The following GREB1 variants were observed in gnomAD, a reference collection of about 807,000 sequenced individuals.
GREB1 encodes the protein growth regulating estrogen receptor binding 1.
GREB1 carries 106 observed loss-of-function variants against 200.7 expected under a neutral mutation model. The observed-to-expected ratio is 0.53, with a 90% CI of 0.45 to 0.62. GREB1 has a LOEUF of 0.62. GREB1 is among the 20% of genes least tolerant of loss of function. The pLI, the probability that GREB1 is intolerant of heterozygous loss-of-function variation, is 0.00. For synonymous variants in GREB1, 1,132 were observed against 1,092.4 expected (o/e 1.04, Z -0.72); for missense variants, 2,243 against 2,556.8 (o/e 0.88, Z 2.65).
chr2:11,556,478 CTTT>C lies in GREB1; in HGVS notation c.-136_-134del, dbSNP rs1676445419. The C allele has an allele frequency of 3.1e-6, 2 of 639,614 alleles. No individual in the cohort carries two copies. The highest frequency in any genetic ancestry group is 5.8e-5 in the Admixed American group (2 of 34,628). 39.6% of individuals were successfully genotyped at this position (639,614 alleles called of 1,614,324 possible). ...GTAGCTGCAGCTGAGGACAGCCACCCTTTCTTCGTCTCTGCTGAGCGAAGGCTA... is the reference window on the plus strand; with the variant it reads ...GTAGCTGCAGCTGAGGACAGCCACCCCTTCGTCTCTGCTGAGCGAAGGCTA... On this transcript the variant is annotated 5_prime_UTR_variant, in exon 2 of 33. Coordinates refer to ENST00000381486, the MANE Select transcript of GREB1 (RefSeq NM_014668.4).
intron 10 of GREB1, chr2:11,591,448 A>G: frequency 2.8e-6 from 2 of 721,086 alleles, no homozygotes; most frequent in Non-Finnish European, 5.2e-6. Flanking sequence ...TAAAAGAGAA[A>G]ATACCAGAAG....
At position 11,615,241 on chromosome 2, in the gene GREB1, T is replaced by C. The variant is rs2148333279; in HGVS notation, c.3273T>C (p.Ala1091=). The C allele has an allele frequency of 6.2e-7, 1 of 1,611,064 alleles. No homozygotes were observed. The highest frequency in any genetic ancestry group is 8.5e-7 in the Non-Finnish European group (1 of 1,178,454). Residue 1091 remains alanine, a synonymous_variant, in exon 20 of 33, where the codon GCT becomes GCC. Coordinates refer to ENST00000381486, the MANE Select transcript of GREB1 (RefSeq NM_014668.4). ...GARNEALESD[A]EKLSSTDNED... is the part of the protein sequence containing the mutation. ...GGAACGAGGCCTTGGAGAGTGATGC[T>C]GAGAAGCTGAGCAGCACAGACAACG... is the stretch of plus-strand genomic sequence containing the variant.
Position 11,618,714 on chromosome 2 carries a change from C to T in GREB1, c.3839C>T (p.Ala1280Val). 1 of 1,613,614 alleles carries T rather than the reference C, an allele frequency of 6.2e-7. No individual in the cohort carries two copies. The highest frequency in any genetic ancestry group is 8.5e-7 in the Non-Finnish European group (1 of 1,179,866). ...ACTGACAGCAGTGGCCTGCCCAAGG[C>T]CGCCTCCCTCCTGCCCTCCCCCTCG... ...VSTDSSGLPK[A>V]ASLLPSPSVM... Residue 1280 changes from alanine (A) to valine (V), a missense_variant, in exon 22 of 33, where the codon GCC (alanine) becomes GTC (valine). By Grantham distance (64) the Ala-to-Val change is moderately conservative. Transcript: ENST00000381486.
chr2:11,585,026 C>A, intron 7 of GREB1, 135 bp from the exon 8 acceptor site: 1 of 509,318 alleles, frequency 2.0e-6, no homozygotes, highest in Non-Finnish European at 3.5e-6. Context: ...TCACTAGGTC[C>A]TTAAAACCCA....
At chr2:11,590,180 CT>C (rs1398881521) in intron 10 of GREB1, among the ~76,000 whole-genome samples, 1 of 152,112 alleles carries the variant, frequency 6.6e-6, no homozygotes, top group Non-Finnish European at 1.5e-5. Flanking sequence ...CATTGTCGCT[CT>C]TTCTCATAGT....
In GREB1 at chr2:11,555,407, G is replaced by A. The variant is rs559812334; in HGVS notation, c.-161-1047G>A. Among the ~76,000 whole-genome samples, 23 of 152,238 alleles carry A rather than the reference G, an allele frequency of 1.5e-4. No homozygotes were observed. The South Asian group carries it at 4.8e-3, about 32-fold the overall frequency. On this transcript the variant is annotated intron_variant, in intron 1 of 32. Transcript: ENST00000381486. ...AAAAACATTTGCAAGAGGGTTGAGC[G>A]AAATGCTTATGTCAAGGAAAAACAA...
chr2:11,594,582 T>C (rs1264021497), intron 11 of GREB1, among the ~76,000 whole-genome samples: 1 of 152,124 alleles, frequency 6.6e-6, no homozygotes, highest in African/African-American at 2.4e-5. Flanking sequence ...CTCAAACTCC[T>C]GACCTCAGAT....
Position 11,629,962 on chromosome 2 carries a change from C to A in GREB1, c.4464C>A (p.Thr1488=). 8 of 1,614,142 alleles carry A rather than the reference C, an allele frequency of 5.0e-6. No homozygotes were observed. Among genetic ancestry groups the A allele is most frequent in the Non-Finnish European group, 6.8e-6 (8 of 1,180,008 alleles). The change falls in exon 26 of 33, where the codon ACC becomes ACA. Residue 1488 remains threonine (T), a synonymous_variant. Coordinates refer to ENST00000381486, the MANE Select transcript of GREB1 (RefSeq NM_014668.4). The surrounding 1 kb of genome is among the most constrained non-coding windows in gnomAD (Gnocchi z 5.2). The part of the protein sequence containing the change: ...FHPRYQLYES[T]LHAFAFSYSM... ...CCACACCCCAGCTGTATGAGTCCACCCTGCACGCCTTTGCCTTCTCTTACT... is the reference window on the plus strand; with the variant it reads ...CCACACCCCAGCTGTATGAGTCCACACTGCACGCCTTTGCCTTCTCTTACT...
In GREB1 at chr2:11,539,056, CT is replaced by C. The variant is rs1196118391; in HGVS notation, c.-162+4803del. ...CTCTTCTCTTCTCTTCTCTTCTCTT[CT>C]CTTCTCTTCTCTTATGATAGGGTCT... On this transcript the variant is annotated intron_variant, in intron 1 of 32. Transcript: ENST00000381486. Among the ~76,000 whole-genome samples the C allele has an allele frequency of 2.3e-3, 237 of 101,416 alleles. 3 individuals carry two copies. The highest frequency in any genetic ancestry group is 7.3e-3 in the African/African-American group (198 of 27,014). The allele number at this position is 101,416 out of a possible 152,430, so 66.5% of individuals were successfully genotyped here. A position where few individuals can be genotyped will look rare whatever the true frequency, so the allele number is the denominator to read the frequency against.
At chr2:11,559,428 T>A (rs1446323103) in intron 2 of GREB1, among the ~76,000 whole-genome samples, 1 of 152,212 alleles carries the variant, frequency 6.6e-6, no homozygotes, top group Non-Finnish European at 1.5e-5. Context: ...AGCTCTTTCT[T>A]TGACCTTTTG....
At chr2:11,553,848 G>A (rs1280013116) in intron 1 of GREB1, among the ~76,000 whole-genome samples, 3 of 152,170 alleles carry the variant, frequency 2.0e-5, no homozygotes, top group African/African-American at 7.2e-5. Context: ...ACCTTGGGCA[G>A]GGAGGGTCTG....
At chr2:11,636,088 G>A (rs931489922) in intron 30 of GREB1, among the ~76,000 whole-genome samples, 3 of 152,234 alleles carry the variant, frequency 2.0e-5, no homozygotes, top group African/African-American at 7.2e-5. Context: ...GAGGTGGGCT[G>A]GGTCTGAATT....
chr2:11,588,264 T>C, intron 9 of GREB1: 1 of 1,046,132 alleles, frequency 9.6e-7, no homozygotes, highest in Non-Finnish European at 1.2e-6. Flanking sequence ...TTCTGGTCTC[T>C]GTGGTGATAT....
chr2:11,586,680 T>TA (rs1371136156), intron 9 of GREB1, among the ~76,000 whole-genome samples: 5 of 152,294 alleles, frequency 3.3e-5, no homozygotes, highest in African/African-American at 1.2e-4. Context: ...TGCTTGTAGA[T>TA]AGAGTAGAGA....
intron 1 of GREB1, among the ~76,000 whole-genome samples, chr2:11,518,609 G>A (rs373176070): frequency 6.6e-6 from 1 of 152,130 alleles, no homozygotes; most frequent in African/African-American, 2.4e-5. Flanking sequence ...TGCATTTGCA[G>A]CATCTCCTTT....
Position 11,577,485 on chromosome 2 carries a change from T to C in GREB1, c.638-812T>C, listed in dbSNP as rs74823774. Among the ~76,000 whole-genome samples the C allele has an allele frequency of 9.9e-3, 1,505 of 152,276 alleles. 21 individuals carry two copies. Among genetic ancestry groups the C allele is most frequent in the African/African-American group, 0.034 (1,429 of 41,552 alleles). On this transcript the variant is annotated intron_variant, in intron 5 of 32. Transcript: ENST00000381486. The stretch of plus-strand genomic sequence containing the variant: ...GTGATTGGGATGCAGCTTTCAGAAA[T>C]GTTGGGAGCAGGCTGCCCTCCCACC...
At chr2:11,586,717 C>T (rs1337302937) in intron 9 of GREB1, among the ~76,000 whole-genome samples, 1 of 152,126 alleles carries the variant, frequency 6.6e-6, no homozygotes, top group African/African-American at 2.4e-5. Flanking sequence ...AGAGAAGCAC[C>T]CTACTGTTAA....
At chr2:11,570,706 TTTTAA>T (rs1416753346) in intron 4 of GREB1, among the ~76,000 whole-genome samples, 15 of 152,144 alleles carry the variant, frequency 9.9e-5, no homozygotes, top group Non-Finnish European at 1.9e-4. Context: ...TAGATGACTG[TTTTAA>T]TTTGTGTTTT....
Position 11,602,548 on chromosome 2 carries a change from T to C in GREB1, c.2666+6T>C. On this transcript the variant is annotated splice_donor_region_variant and intron_variant, in intron 17 of 32. Transcript: ENST00000381486. ...GTCACTGCATTAGGAAAAAGGTACT[T>C]GTTTCTCTTCTAAGTTACTAGAAGT... is the stretch of plus-strand genomic sequence containing the variant. 1 of 1,613,440 alleles carries C rather than the reference T, an allele frequency of 6.2e-7. No homozygotes were observed. Among genetic ancestry groups the C allele is most frequent in the South Asian group, 1.1e-5 (1 of 91,064 alleles).
Sources: gnomAD v4.1 joint callset for allele counts (sites outside exome capture counted in the v4.1 genomes callset) on GRCh38, gnomAD v4.1.1 for gene constraint, Gnocchi (gnomAD v3.1) non-coding constraint, MANE v1.5 for transcripts, NCBI Gene and HGNC (gene_info 2026-07-23, HGNC 2026-07-21) for gene names.